The following RELN variants were observed in gnomAD, a reference collection of about 807,000 sequenced individuals.
RELN encodes reelin.
In RELN, 108 loss-of-function variants were observed where a neutral mutation model predicts 427.6. The observed-to-expected ratio is 0.25, with a 90% CI of 0.22 to 0.30. The LOEUF (loss-of-function observed/expected upper bound fraction) is 0.30, where lower values mean the gene tolerates loss of function less well. Ranked by LOEUF, RELN falls within the 10% of genes least tolerant of loss-of-function variation. The probability of loss-of-function intolerance (pLI) is 1.00; values close to 1 mark genes in which losing one functional copy is unlikely to be tolerated. For missense variants in RELN, 3,715 were observed against 4,302.8 expected, an observed-to-expected ratio of 0.86 and a Z score of 3.82; for synonymous variants, 1,524 against 1,513.4, an observed-to-expected ratio of 1.01 and a Z score of -0.16.
chr7:103,560,913 G>T (rs750359665), intron 36 of RELN, among the ~76,000 whole-genome samples: 6 of 152,166 alleles, frequency 3.9e-5, no homozygotes, highest in Middle Eastern at 3.2e-3. Flanking sequence ...TTTTGTCAAA[G>T]ATTTCATTTG....
intron 64 of RELN, 65 bp downstream of exon 64, chr7:103,478,320 CAGTT>C: frequency 7.3e-6 from 5 of 681,002 alleles, no homozygotes; most frequent in Non-Finnish European, 1.3e-5. Flanking sequence ...CAAAACTTCT[CAGTT>C]AAGTTTGGTG....
At chr7:103,504,425 A>G (rs1311976459) in intron 51 of RELN, 1 of 152,212 alleles carries the variant, frequency 6.6e-6, no homozygotes, top group Non-Finnish European at 1.5e-5. Flanking sequence ...GAGCAGGAAC[A>G]CATTTACTCT....
At chr7:103,729,719 C>T (rs1342310182) in intron 6 of RELN, among the ~76,000 whole-genome samples, 1 of 151,972 alleles carries the variant, frequency 6.6e-6, no homozygotes, top group African/African-American at 2.4e-5. Context: ...ACATTGTATT[C>T]CTGAAATATT....
At chr7:103,780,536 T>C (rs1482939796) in intron 3 of RELN, among the ~76,000 whole-genome samples, 1 of 152,186 alleles carries the variant, frequency 6.6e-6, no homozygotes, top group African/African-American at 2.4e-5. Context: ...TTTTTCCTGA[T>C]CTTCTCCCTA....
At chr7:103,926,745 C>T (rs7776544) in intron 1 of RELN, among the ~76,000 whole-genome samples, 79,220 of 149,364 alleles carry the variant, frequency 0.53, 21,386 homozygotes, top group East Asian at 0.7. Context: ...CCCGGGTTCA[C>T]GCCATTTTCC....
In RELN at chr7:103,953,653, C is replaced by G. The variant is rs1796375948; in HGVS notation, c.226+35478G>C. Among the ~76,000 whole-genome samples, 1 of 152,234 alleles carries G rather than the reference C, an allele frequency of 6.6e-6. No homozygotes were observed. The highest frequency in any genetic ancestry group is 1.5e-5 in the Non-Finnish European group (1 of 68,042). On this transcript the variant is annotated intron_variant, in intron 1 of 64. Transcript: ENST00000428762. This position sits in a 1 kb window ranked among gnomAD's most constrained non-coding sequence, Gnocchi z 4.3. ...AATGATCAAAACTTACCAGCCTCCA[C>G]TGGGTGCGGTGGCTCACATCTGTAA...
chr7:103,935,049 A>G (rs1347864483), intron 1 of RELN, among the ~76,000 whole-genome samples: 1 of 152,236 alleles, frequency 6.6e-6, no homozygotes, highest in Non-Finnish European at 1.5e-5. Context: ...CTTTAGCACA[A>G]GACCTGGAAC....
rs1789766818 is a variant in RELN at position 103,710,477 on chromosome 7, G to T, written c.806-9471C>A. On this transcript the variant is annotated intron_variant, in intron 8 of 64. Coordinates refer to ENST00000428762, the MANE Select transcript of RELN (RefSeq NM_005045.4). ...GATGCATCCAGCATCATGACTAAAA[G>T]ATAATGATGATACACTATTTAATGA... 3.3e-5 allele frequency among the ~76,000 whole-genome samples: 5 copies of T among 152,162 alleles called. No homozygotes were observed. The South Asian group carries it at 1.0e-3, about 32-fold the overall frequency.
chr7:103,987,906 G>A (rs1209121155), intron 1 of RELN, among the ~76,000 whole-genome samples: 1 of 152,174 alleles, frequency 6.6e-6, no homozygotes, highest in Non-Finnish European at 1.5e-5. Flanking sequence ...AAACCTCTAG[G>A]AGACGTTTAT....
chr7:103,603,119 G>A lies in RELN; in HGVS notation c.3333+185C>T. On this transcript the variant is annotated intron_variant, in intron 24 of 64. Transcript: ENST00000428762. This position sits in a 1 kb window ranked among gnomAD's most constrained non-coding sequence, Gnocchi z 4.3. ...AACCTGATTTTTTAGTAACCAAAAA[G>A]AGTAATAAAAAGAACAACAAGAATT... 6.6e-6 allele frequency among the ~76,000 whole-genome samples: 1 copy of A among 152,260 alleles called. No individual in the cohort carries two copies. The highest frequency in any genetic ancestry group is 1.9e-4 in the East Asian group (1 of 5,178).
chr7:103,797,883 A>G (rs1490762107), intron 3 of RELN, among the ~76,000 whole-genome samples: 1 of 152,212 alleles, frequency 6.6e-6, no homozygotes, highest in Admixed American at 6.5e-5. Context: ...CTGTGCAGCT[A>G]TGTGTAATTA....
intron 21 of RELN, 123 bp downstream of exon 21, chr7:103,611,488 T>G: frequency 1.4e-6 from 1 of 730,618 alleles, no homozygotes; most frequent in East Asian, 2.7e-5. Context: ...TTACAAATAT[T>G]AAATAACACT....
At chr7:103,960,193 A>C (rs1796519638) in intron 1 of RELN, among the ~76,000 whole-genome samples, 1 of 152,162 alleles carries the variant, frequency 6.6e-6, no homozygotes, top group African/African-American at 2.4e-5. Context: ...ATGAGACTCT[A>C]CATTATTGGC....
At chr7:103,788,104 T>C (rs112881803) in intron 3 of RELN, among the ~76,000 whole-genome samples, 2 of 152,086 alleles carry the variant, frequency 1.3e-5, no homozygotes, top group Non-Finnish European at 2.9e-5. Flanking sequence ...ATTATCACAA[T>C]AGATGCAGAA....
intron 20 of RELN, 133 bp downstream of exon 20, chr7:103,629,807 G>A: frequency 1.4e-6 from 1 of 739,940 alleles, no homozygotes; most frequent in South Asian, 1.4e-5. Flanking sequence ...GAAAACAGTA[G>A]TTCTGTTTTC....
chr7:103,477,864 G>A (rs1395503751), intron 64 of RELN, among the ~76,000 whole-genome samples: 2 of 152,202 alleles, frequency 1.3e-5, no homozygotes, highest in East Asian at 3.8e-4. Flanking sequence ...GAACTCCTAA[G>A]TATTATGAAT....
At chr7:103,889,043 G>T (rs1439195455) in intron 2 of RELN, among the ~76,000 whole-genome samples, 1 of 152,164 alleles carries the variant, frequency 6.6e-6, no homozygotes, top group Non-Finnish European at 1.5e-5. Context: ...TCTGACCCTT[G>T]TCAACCAGCT....
Position 103,553,559 on chromosome 7 carries a change from C to T in RELN, c.5974G>A (p.Glu1992Lys), listed in dbSNP as rs752529217. 1 of 1,614,030 alleles carries T rather than the reference C, an allele frequency of 6.2e-7. No homozygotes were observed. The highest frequency in any genetic ancestry group is 1.1e-5 in the South Asian group (1 of 91,074). The change falls in exon 40 of 65, where the codon GAA becomes AAA. Residue 1992 changes from glutamate to lysine, a missense_variant. Around this residue, in one of 4 missense-constraint regions of RELN, gnomAD observed 1,310 missense variants for 1,643.0 expected, o/e 0.80. Coordinates refer to ENST00000428762, the MANE Select transcript of RELN (RefSeq NM_005045.4). ...CPYSSKGAPE[E>K]DSAMVFVSNE... ...GAAACAAACACCATAGCTGAATCTT[C>T]TTCACTGTTACACAGGAAAACAACC... is the stretch of plus-strand genomic sequence containing the variant.
chr7:103,494,007 G>T (rs560288724), intron 57 of RELN, among the ~76,000 whole-genome samples: 54 of 152,062 alleles, frequency 3.6e-4, no homozygotes, highest in Non-Finnish European at 6.0e-4. Context: ...AAAAGAGGAG[G>T]CTCCAATCAA....
Sources: allele counts gnomAD v4.1 joint callset (sites outside exome capture counted in the v4.1 genomes callset), GRCh38; gene constraint gnomAD v4.1.1; regional missense constraint gnomAD v4.1.1; non-coding constraint Gnocchi (gnomAD v3.1); transcripts MANE v1.5; gene names NCBI Gene and HGNC (gene_info 2026-07-23, HGNC 2026-07-21).